TMEM178B: variants seen among roughly 807,000 people sequenced by gnomAD.
TMEM178B encodes the protein transmembrane protein 178B.
TMEM178B carries 5 observed loss-of-function variants against 31.0 expected under a neutral mutation model. That is an observed-to-expected ratio of 0.16 (90% CI 0.08 to 0.34). The LOEUF (loss-of-function observed/expected upper bound fraction) is 0.34, where lower values mean the gene tolerates loss of function less well. TMEM178B is among the 10% of genes least tolerant of loss of function. The pLI is 1.00. For synonymous variants in TMEM178B, 164 were observed against 164.0 expected, an observed-to-expected ratio of 1.00 and a Z score of 0.00; for missense variants, 275 against 400.3, an observed-to-expected ratio of 0.69 and a Z score of 2.67.
intron 2 of TMEM178B, among the ~76,000 whole-genome samples, chr7:141,310,667 G>T (rs1323921976): frequency 6.6e-6 from 1 of 152,116 alleles, no homozygotes; most frequent in Non-Finnish European, 1.5e-5. Context: ...AAGCTGGCGA[G>T]GCTGTGGACA....
chr7:141,164,892 G>T (rs1356504246), intron 1 of TMEM178B, among the ~76,000 whole-genome samples: 1 of 151,822 alleles, frequency 6.6e-6, no homozygotes, highest in Non-Finnish European at 1.5e-5. Flanking sequence ...GGATCAATAG[G>T]GCTGCTGGGG....
At chr7:141,465,634 G>T (rs1802136198) in intron 3 of TMEM178B, among the ~76,000 whole-genome samples, 1 of 152,148 alleles carries the variant, frequency 6.6e-6, no homozygotes, top group Admixed American at 6.6e-5. Flanking sequence ...CTTTATCGAG[G>T]ATCTACCATG....
intron 2 of TMEM178B, among the ~76,000 whole-genome samples, chr7:141,323,367 A>G (rs1799134375): frequency 6.6e-6 from 1 of 152,236 alleles, no homozygotes; most frequent in South Asian, 2.1e-4. Context: ...TGAGATACAT[A>G]CATGTTTCAA....
chr7:141,486,928 A>C, the TMEM178B span, among the ~76,000 whole-genome samples: 1 of 152,154 alleles, frequency 6.6e-6, no homozygotes, highest in Non-Finnish European at 1.5e-5. Context: ...AAATAGGGAC[A>C]GATGACATTC....
At chr7:141,218,307 A>G (rs1797195115) in intron 2 of TMEM178B, among the ~76,000 whole-genome samples, 1 of 152,152 alleles carries the variant, frequency 6.6e-6, no homozygotes, top group African/African-American at 2.4e-5. Context: ...GGGAGGGAGA[A>G]GAGAGGAGAA....
intron 1 of TMEM178B, among the ~76,000 whole-genome samples, chr7:141,092,315 A>G (rs932981458): frequency 6.6e-6 from 1 of 152,198 alleles, no homozygotes; most frequent in Non-Finnish European, 1.5e-5. Context: ...ATAAAGTGAT[A>G]TAGATGGAAG....
At chr7:141,383,650 GC>G (rs1800372266) in intron 2 of TMEM178B, among the ~76,000 whole-genome samples, 1 of 152,096 alleles carries the variant, frequency 6.6e-6, no homozygotes, top group Non-Finnish European at 1.5e-5. Context: ...CCAAGTCTTT[GC>G]TATTGTGAAT....
the TMEM178B span, among the ~76,000 whole-genome samples, chr7:141,509,017 C>G: frequency 0.7 from 106,147 of 152,122 alleles, 38,597 homozygotes; most frequent in Non-Finnish European, 0.82. Context: ...CTAGTATATG[C>G]GGGACATGAC....
At chr7:141,313,399 T>G (rs1241291118) in intron 2 of TMEM178B, among the ~76,000 whole-genome samples, 1 of 152,174 alleles carries the variant, frequency 6.6e-6, no homozygotes, top group Non-Finnish European at 1.5e-5. Flanking sequence ...GGCTCTCTCT[T>G]GCTCTCCCCA....
chr7:141,161,923 A>T (rs779356840), intron 1 of TMEM178B, among the ~76,000 whole-genome samples: 1 of 147,428 alleles, frequency 6.8e-6, no homozygotes, highest in Non-Finnish European at 1.5e-5. Flanking sequence ...AGCATGTGAG[A>T]ATGTGTGTGT....
chr7:141,272,648 T>A (rs1798202037), intron 2 of TMEM178B, among the ~76,000 whole-genome samples: 1 of 152,160 alleles, frequency 6.6e-6, no homozygotes. Context: ...TGCCCACAAA[T>A]CCAGAGATTC....
At position 141,212,575 on chromosome 7, in the gene TMEM178B, T is replaced by C. The variant is rs1797067590; in HGVS notation, c.383-16T>C. 5 of 1,532,660 alleles carry C rather than the reference T, an allele frequency of 3.3e-6. No individual in the cohort carries two copies. The highest frequency in any genetic ancestry group is 3.3e-4 in the Middle Eastern group (2 of 5,984). 94.9% of individuals were successfully genotyped at this position (1,532,660 alleles called of 1,614,324 possible). A position where few individuals can be genotyped will look rare whatever the true frequency, so the allele number is the denominator to read the frequency against. The stretch of plus-strand genomic sequence containing the variant: ...GCTGCTTCCTTAACATTTTGTTTCC[T>C]GTTTCTCTTTTCTAGGAGAAATTGA... On this transcript the variant is annotated splice_polypyrimidine_tract_variant and intron_variant, in intron 1 of 3. Coordinates refer to ENST00000565468, the MANE Select transcript of TMEM178B (RefSeq NM_001195278.2).
At chr7:141,464,277 G>T (rs1563189558) in intron 3 of TMEM178B, among the ~76,000 whole-genome samples, 1 of 152,034 alleles carries the variant, frequency 6.6e-6, no homozygotes, top group Non-Finnish European at 1.5e-5. Context: ...ACCTAGCATT[G>T]TCATCTGTAT....
intron 2 of TMEM178B, among the ~76,000 whole-genome samples, chr7:141,391,465 C>A (rs1800539587): frequency 6.6e-6 from 1 of 152,216 alleles, no homozygotes; most frequent in African/African-American, 2.4e-5. Context: ...CGGCCTCTTT[C>A]AACTCTTTAA....
intron 1 of TMEM178B, among the ~76,000 whole-genome samples, chr7:141,095,676 T>G (rs535803071): frequency 2.0e-5 from 3 of 152,270 alleles, no homozygotes; most frequent in African/African-American, 7.2e-5. Context: ...TTTTCACCAA[T>G]CAAACCCTGA....
chr7:141,430,086 C>T (rs1801395968), intron 2 of TMEM178B: 1 of 152,280 alleles, frequency 6.6e-6, no homozygotes, highest in Non-Finnish European at 1.5e-5. Context: ...GCTTTAGCCT[C>T]CAGCTGTTTT....
chr7:141,502,769 T>TAAAA, the TMEM178B span, among the ~76,000 whole-genome samples: 9,663 of 146,128 alleles, frequency 0.066, 945 homozygotes, highest in African/African-American at 0.22. Flanking sequence ...AAACTCAGTC[T>TAAAA]AAAAAAAAAA....
At chr7:141,453,475 G>T (rs529518577) in intron 3 of TMEM178B, among the ~76,000 whole-genome samples, 15 of 152,346 alleles carry the variant, frequency 9.8e-5, no homozygotes, top group Admixed American at 9.8e-4. Context: ...TACCTACTGT[G>T]TGCTAGACAT....
chr7:141,167,792 G>T (rs1796285633), intron 1 of TMEM178B, among the ~76,000 whole-genome samples: 1 of 152,176 alleles, frequency 6.6e-6, no homozygotes, highest in African/African-American at 2.4e-5. Context: ...GTGTGCCCTG[G>T]TGGCTCCTCC....
Sources: allele counts gnomAD v4.1 joint callset (sites outside exome capture counted in the v4.1 genomes callset), GRCh38; gene constraint gnomAD v4.1.1; transcripts MANE v1.5; gene names NCBI Gene and HGNC (gene_info 2026-07-23, HGNC 2026-07-21).